The following CEP295 variants were observed in gnomAD, a reference collection of about 807,000 sequenced individuals.
The protein encoded by CEP295 is centrosomal protein 295.
CEP295 carries 190 observed loss-of-function variants against 291.6 expected under a neutral mutation model. That is an observed-to-expected ratio of 0.65 (90% CI 0.58 to 0.73). The LOEUF (loss-of-function observed/expected upper bound fraction) is 0.73. Ranked by LOEUF, CEP295 falls within the 30% of genes least tolerant of loss-of-function variation. CEP295 has a pLI of 0.00. For missense variants in CEP295, 2,863 were observed against 2,949.4 expected, an observed-to-expected ratio of 0.97 and a Z score of 0.68; for synonymous variants, 993 against 1,038.8, an observed-to-expected ratio of 0.96 and a Z score of 0.85.
chr11:93,717,379 T>G (rs1247445600), intron 18 of CEP295, among the ~76,000 whole-genome samples: 2 of 152,186 alleles, frequency 1.3e-5, no homozygotes, highest in Non-Finnish European at 2.9e-5. Flanking sequence ...GTCTGACCTG[T>G]TGCGGTGAGG....
chr11:93,713,036 G>A (rs1206637110), intron 18 of CEP295, among the ~76,000 whole-genome samples: 3 of 151,502 alleles, frequency 2.0e-5, no homozygotes, highest in Non-Finnish European at 4.4e-5. Flanking sequence ...TAAAACTGAT[G>A]ACAACTTAGG....
At chr11:93,684,196 CA>C in intron 9 of CEP295, 68 bp downstream of exon 9, 1 of 1,401,482 alleles carries the variant, frequency 7.1e-7, no homozygotes, top group Non-Finnish European at 9.7e-7. Context: ...CATTAGCCAG[CA>C]GTTAGGAAAA....
chr11:93,721,562 A>C (rs1260835799), intron 19 of CEP295, 150 bp downstream of exon 19: 4 of 770,492 alleles, frequency 5.2e-6, no homozygotes, highest in African/African-American at 1.7e-5. Flanking sequence ...GAAACTAGCC[A>C]AATCTGAGCA....
At chr11:93,665,373 A>G (rs1415350303) in intron 1 of CEP295, among the ~76,000 whole-genome samples, 1 of 152,172 alleles carries the variant, frequency 6.6e-6, no homozygotes, top group Non-Finnish European at 1.5e-5. Context: ...GTTATAATCT[A>G]GGGAGGAGAG....
At position 93,710,668 on chromosome 11, in the gene CEP295, A is replaced by G. The variant is rs1375986457; in HGVS notation, c.5749+3771A>G. 2.6e-5 allele frequency among the ~76,000 whole-genome samples: 4 copies of G among 152,222 alleles called. No homozygotes were observed. The East Asian group carries it at 7.7e-4, about 29-fold the overall frequency. ...TATTTCTTCCTCTTCTGTTTTTCAG[A>G]ATAGTTTGAGTGGGATTGGTATTAG... On this transcript the variant is annotated intron_variant, in intron 18 of 29. Transcript: ENST00000325212.
chr11:93,699,952 C>T lies in CEP295; in HGVS notation c.5040C>T (p.Ala1680=), dbSNP rs556466157. 2.1e-5 allele frequency: 32 copies of T among 1,551,508 alleles called. No individual in the cohort carries two copies. In the Admixed American group the frequency reaches 2.7e-4, roughly 13 times the overall value. ...ATTCATCCCAGAATGAACATGCAGC[C>T]CCCCCAAGTAATCCTGTGATCCCAG... The part of the protein sequence containing the change: ...ELYSSQNEHA[A]PPSNPVIPGF... The change falls in exon 15 of 30, where the codon GCC becomes GCT. Residue 1680 remains alanine (A), a synonymous_variant. Coordinates refer to ENST00000325212, the MANE Select transcript of CEP295 (RefSeq NM_033395.2).
At chr11:93,683,812 A>G (rs1438904980) in intron 8 of CEP295, 70 bp downstream of exon 8, 7 of 1,472,098 alleles carry the variant, frequency 4.8e-6, no homozygotes, top group Middle Eastern at 1.8e-4. Flanking sequence ...GTTTGTAATG[A>G]TAAAGCAGTT....
At chr11:93,677,813 G>A (rs923898212) in intron 6 of CEP295, among the ~76,000 whole-genome samples, 1 of 152,086 alleles carries the variant, frequency 6.6e-6, no homozygotes, top group African/African-American at 2.4e-5. Flanking sequence ...ACAAGATTCA[G>A]AAATGTATTT....
chr11:93,720,673 A>G (rs1953648757), intron 18 of CEP295, among the ~76,000 whole-genome samples: 1 of 151,242 alleles, frequency 6.6e-6, no homozygotes, highest in Non-Finnish European at 1.5e-5. Flanking sequence ...GTTCATTACA[A>G]CCTCCGCCTC....
intron 18 of CEP295, among the ~76,000 whole-genome samples, chr11:93,713,586 G>A (rs1953052604): frequency 6.6e-6 from 1 of 152,100 alleles, no homozygotes; most frequent in Non-Finnish European, 1.5e-5. Flanking sequence ...CTGCTTTTAG[G>A]ATTCTTTCTT....
Position 93,730,287 on chromosome 11 carries a change from A to C in CEP295, c.*18A>C, listed in dbSNP as rs543873230. 1 of 1,517,696 alleles carries C rather than the reference A, an allele frequency of 6.6e-7. No homozygotes were observed. Among genetic ancestry groups the C allele is most frequent in the East Asian group, 2.5e-5 (1 of 40,718 alleles). The allele number at this position is 1,517,696 out of a possible 1,614,324, so 94.0% of individuals were successfully genotyped here. ...CATGCTGACTTTCTAGAAATAGTGT[A>C]AAGGTTTTTTAATTGTGTATATGTA... On this transcript the variant is annotated 3_prime_UTR_variant, in exon 30 of 30. Transcript: ENST00000325212.
At chr11:93,668,426 A>G (rs7939834) in intron 3 of CEP295, among the ~76,000 whole-genome samples, 139,808 of 152,156 alleles carry the variant, frequency 0.92, 65,049 homozygotes, top group East Asian at 0.99. Context: ...GGTTTTATGC[A>G]TGCCACATTA....
At chr11:93,674,516 A>G (rs1469443121) in intron 5 of CEP295, among the ~76,000 whole-genome samples, 2 of 152,186 alleles carry the variant, frequency 1.3e-5, no homozygotes, top group Non-Finnish European at 2.9e-5. Flanking sequence ...GTACAATGCC[A>G]CTGTACTCTG....
Position 93,698,024 on chromosome 11 carries a change from A to T in CEP295, c.3112A>T (p.Ile1038Leu). The T allele has an allele frequency of 6.4e-7, 1 of 1,551,700 alleles. No homozygotes were observed. Among genetic ancestry groups the T allele is most frequent in the Non-Finnish European group, 8.7e-7 (1 of 1,146,970 alleles). ...GLVSCQSDIP[I>L]SQDGSLSFLQ... is the part of the protein sequence containing the mutation. ...TGTTTCATGCCAATCTGACATCCCC[A>T]TATCTCAGGATGGGTCTTTGAGTTT... The change falls in exon 15 of 30, where the codon ATA (isoleucine) becomes TTA (leucine). Residue 1038 changes from isoleucine to leucine, a missense_variant. Transcript: ENST00000325212.
chr11:93,691,634 T>C (rs1446711570), intron 10 of CEP295, 49 bp from the exon 11 acceptor site: 1 of 1,254,682 alleles, frequency 8.0e-7, no homozygotes, highest in South Asian at 1.3e-5. Flanking sequence ...TTGCTTTAAG[T>C]TTGACAATGA....
At position 93,729,904 on chromosome 11, in the gene CEP295, A is replaced by T. The variant is rs183120281; in HGVS notation, c.7602A>T (p.Lys2534Asn). The T allele has an allele frequency of 8.5e-4, 1,311 of 1,550,090 alleles. No individual in the cohort carries two copies. The highest frequency in any genetic ancestry group is 1.1e-3 in the Non-Finnish European group (1,216 of 1,146,686). Residue 2534 changes from lysine to asparagine, a missense_variant, in exon 28 of 30, where the codon AAA (lysine) becomes AAT (asparagine). Lys to Asn is a moderately conservative substitution (Grantham distance 94). Transcript: ENST00000325212. ...SSVSRLKGVN[K>N]VRASFPEDRK... ...TGAGTCGTCTAAAGGGCGTGAATAA[A>T]GTCAGAGCATCTTTTCCTGAAGACA...
chr11:93,728,904 A>C, intron 25 of CEP295, 83 bp downstream of exon 25: 1 of 1,239,604 alleles, frequency 8.1e-7, no homozygotes, highest in Non-Finnish European at 1.1e-6. Context: ...GAAGGTACTC[A>C]TTGGAGGGAA....
rs1565440510 is a variant in CEP295, at chr11:93,679,680, A to G, written c.765+128A>G. On this transcript the variant is annotated intron_variant, in intron 7 of 29. Transcript: ENST00000325212. ...TTCAATATAGTCTCTGATTCATATG[A>G]TTTCAAGTTTCCCAACTTTCTTTGC... 1.3e-5 allele frequency: 9 copies of G among 693,620 alleles called. No individual in the cohort carries two copies. The East Asian group carries it at 3.0e-4, about 23-fold the overall frequency. 43.0% of individuals were successfully genotyped at this position (693,620 alleles called of 1,614,324 possible). A position where few individuals can be genotyped will look rare whatever the true frequency, so the allele number is the denominator to read the frequency against.
chr11:93,729,702 G>C lies in CEP295; in HGVS notation c.7488G>C (p.Gln2496His), dbSNP rs1213862043. ...AATCATTTATGGAGAGATCCCACCAGAGGCAGAAAGAAATAAGGAATAAAA... is the reference window on the plus strand; with the variant it reads ...AATCATTTATGGAGAGATCCCACCACAGGCAGAAAGAAATAAGGAATAAAA... ...RKKSFMERSH[Q>H]RQKEIRNKIH... Residue 2496 changes from glutamine (Q) to histidine (H), a missense_variant, in exon 27 of 30, where the codon CAG (glutamine) becomes CAC (histidine). Physicochemically the swap from Gln to His is conservative, Grantham distance 24 (BLOSUM62 0). This residue lies in a region of CEP295 where 2,295 missense variants were observed against 2,335.7 expected (regional missense o/e 0.98). Transcript: ENST00000325212. 9.0e-6 allele frequency: 14 copies of C among 1,550,070 alleles called. No homozygotes were observed. In the African/African-American group the frequency reaches 1.1e-4, roughly 12 times the overall value.
Sources: gnomAD v4.1 joint callset for allele counts (sites outside exome capture counted in the v4.1 genomes callset) on GRCh38, gnomAD v4.1.1 for gene constraint, gnomAD v4.1.1 regional missense constraint, MANE v1.5 for transcripts, NCBI Gene and HGNC (gene_info 2026-07-23, HGNC 2026-07-21) for gene names.